CHRNA10: variants seen among roughly 807,000 people sequenced by gnomAD.
CHRNA10 encodes cholinergic receptor nicotinic alpha 10 subunit.
A neutral mutation model predicts 36.0 loss-of-function variants in CHRNA10; 31 were observed. The ratio of observed to expected loss-of-function variants is 0.86; its 90% CI spans 0.65 to 1.16. The LOEUF (loss-of-function observed/expected upper bound fraction) is 1.16. Among genes scored for constraint, CHRNA10 ranks in the 50% most tolerant of loss-of-function variants. The pLI, the probability that CHRNA10 is intolerant of heterozygous loss-of-function variation, is 0.00. For synonymous variants in CHRNA10, 302 were observed against 287.0 expected, an observed-to-expected ratio of 1.05 and a Z score of -0.53; for missense variants, 648 against 640.9, an observed-to-expected ratio of 1.01 and a Z score of -0.12.
chr11:3,669,220 C>T lies in CHRNA10; in HGVS notation c.338G>A (p.Arg113Gln), dbSNP rs754088774. Residue 113 changes from arginine to glutamine, a missense_variant, in exon 3 of 5, where the codon CGG becomes CAG. Arg to Gln is a conservative substitution (Grantham distance 43, BLOSUM62 1). Coordinates refer to ENST00000250699, the MANE Select transcript of CHRNA10 (RefSeq NM_020402.4). ...AIRIPSSLVW[R>Q]PDIVLYNKAD... Reference sequence around the variant, plus strand: ...CTTGTTATAGAGTACGATGTCTGGCCGCCACACAAGACTGCTGGGGATGCG... The same window carrying T: ...CTTGTTATAGAGTACGATGTCTGGCTGCCACACAAGACTGCTGGGGATGCG... The T allele has an allele frequency of 2.7e-5, 44 of 1,613,492 alleles. No homozygotes were observed. The highest frequency in any genetic ancestry group is 2.3e-4 in the African/African-American group (17 of 74,844).
At chr11:3,670,690 G>A (rs750391186) in intron 1 of CHRNA10, among the ~76,000 whole-genome samples, 20 of 152,196 alleles carry the variant, frequency 1.3e-4, no homozygotes, top group Non-Finnish European at 2.4e-4. Context: ...TTGGAAATCT[G>A]GGAATTATCC....
Position 3,665,848 on chromosome 11 carries a change from A to G in CHRNA10, c.*259T>C, listed in dbSNP as rs2133971128. ...CAGCACAAACAATTCTGTCCCTCCA[A>G]GACTGTACTCTGTGATCTTGGCCTT... On this transcript the variant is annotated 3_prime_UTR_variant, in exon 5 of 5. Transcript: ENST00000250699. 2 of 425,552 alleles carry G rather than the reference A, an allele frequency of 4.7e-6. No individual in the cohort carries two copies. Among genetic ancestry groups the G allele is most frequent in the East Asian group, 7.3e-5 (2 of 27,348 alleles). 26.4% of individuals were successfully genotyped at this position (425,552 alleles called of 1,614,324 possible).
In CHRNA10 at chr11:3,667,327, T is replaced by A. The variant is rs1229657524; in HGVS notation, c.800A>T (p.Lys267Met). The change falls in exon 4 of 5, where the codon AAG (lysine) becomes ATG (methionine). Residue 267 changes from lysine (K) to methionine (M), a missense_variant. Transcript: ENST00000250699. ...CAGCACGGTGACGCCCAGCGACACC[T>A]TCTCGCCTGAGTCGGCAGGCAGGTG... Reference protein sequence around the residue: ...AFHLPADSGEKVSLGVTVLLA... With the variant: ...AFHLPADSGEMVSLGVTVLLA... 6.3e-7 allele frequency: 1 copy of A among 1,599,902 alleles called. No individual in the cohort carries two copies. The highest frequency in any genetic ancestry group is 2.2e-5 in the East Asian group (1 of 44,782).
chr11:3,668,612 G>T (rs998439438), intron 3 of CHRNA10: 1 of 152,152 alleles, frequency 6.6e-6, no homozygotes. Context: ...AGAGAGACCC[G>T]CTGCCTTTCG....
At chr11:3,666,608 G>A in intron 4 of CHRNA10, 44 bp from the exon 5 acceptor site, 1 of 1,453,542 alleles carries the variant, frequency 6.9e-7, no homozygotes, top group Non-Finnish European at 9.3e-7. Context: ...ACAAAAGCCT[G>A]TGGTTCCTGA....
chr11:3,671,351 G>C lies in CHRNA10; in HGVS notation c.-39C>G. 6.2e-7 allele frequency: 1 copy of C among 1,609,228 alleles called. No individual in the cohort carries two copies. The highest frequency in any genetic ancestry group is 8.5e-7 in the Non-Finnish European group (1 of 1,175,932). Reference sequence around the variant, plus strand: ...CAAGAGCGGGGGCAGGTCTCTGGATGTGAGGCCTCCTGGCCAGACCTAGGG... The same window carrying C: ...CAAGAGCGGGGGCAGGTCTCTGGATCTGAGGCCTCCTGGCCAGACCTAGGG... On this transcript the variant is annotated 5_prime_UTR_variant, in exon 1 of 5. Coordinates refer to ENST00000250699, the MANE Select transcript of CHRNA10 (RefSeq NM_020402.4).
chr11:3,669,805 G>T lies in CHRNA10; in HGVS notation c.198C>A (p.Ile66=). 2.5e-6 allele frequency: 4 copies of T among 1,614,186 alleles called. No homozygotes were observed. Among genetic ancestry groups the T allele is most frequent in the Non-Finnish European group, 3.4e-6 (4 of 1,180,022 alleles). ...NVTLEVTLSQ[I]IDMDERNQVL... Reference sequence around the variant, plus strand: ...CACCACCACAACGCACCATGTCGATGATCTGGGACAGTGTCACCTCCAGGG... The same window carrying T: ...CACCACCACAACGCACCATGTCGATTATCTGGGACAGTGTCACCTCCAGGG... Residue 66 remains isoleucine, a synonymous_variant, in exon 2 of 5, where the codon ATC becomes ATA. Coordinates refer to ENST00000250699, the MANE Select transcript of CHRNA10 (RefSeq NM_020402.4).
At position 3,666,537 on chromosome 11, in the gene CHRNA10, A is replaced by G. The variant is rs1186272771; in HGVS notation, c.923T>C (p.Met308Thr). 5 of 1,561,500 alleles carry G rather than the reference A, an allele frequency of 3.2e-6. No homozygotes were observed. Among genetic ancestry groups the G allele is most frequent in the African/African-American group, 2.7e-5 (2 of 73,484 alleles). The change falls in exon 5 of 5, where the codon ATG (methionine) becomes ACG (threonine). Residue 308 changes from methionine to threonine, a missense_variant. Met to Thr is a moderately conservative substitution (Grantham distance 81). Coordinates refer to ENST00000250699, the MANE Select transcript of CHRNA10 (RefSeq NM_020402.4). ...GGTGAGTGCTGTTGAGAATGTGACC[A>G]TGGTCATAGTGGCCATGTAGTACTT... ...IGKYYMATMT[M>T]VTFSTALTIL...
chr11:3,669,055 C>T (rs2077693080), intron 3 of CHRNA10, 141 bp downstream of exon 3: 3 of 941,792 alleles, frequency 3.2e-6, no homozygotes, highest in East Asian at 5.2e-5. Context: ...TGCCTGGCAG[C>T]TTAGAAGGGT....
At chr11:3,666,651 A>G in intron 4 of CHRNA10, 87 bp from the exon 5 acceptor site, 1 of 1,057,092 alleles carries the variant, frequency 9.5e-7, no homozygotes. Context: ...AATGGAAATA[A>G]GCCCACCATG....
At chr11:3,670,404 G>T (rs1170725943) in intron 1 of CHRNA10, among the ~76,000 whole-genome samples, 1 of 152,094 alleles carries the variant, frequency 6.6e-6, no homozygotes, top group Non-Finnish European at 1.5e-5. Flanking sequence ...CACTTCCCCA[G>T]GCTTTACTGA....
rs756336483 is a variant in CHRNA10 at position 3,667,647 on chromosome 11, G to T, written c.480C>A (p.Ala160=). Residue 160 remains alanine (A), a synonymous_variant, in exon 4 of 5, where the codon GCC becomes GCA. Coordinates refer to ENST00000250699, the MANE Select transcript of CHRNA10 (RefSeq NM_020402.4). Reference sequence around the variant, plus strand: ...CGCAGTGCTGGGCGTCGAACGGGAAGGCTGCTACATCCACGCGGCACGAGC... The same window carrying T: ...CGCAGTGCTGGGCGTCGAACGGGAATGCTGCTACATCCACGCGGCACGAGC... ...TRSSCRVDVA[A]FPFDAQHCGL... 2 of 1,560,108 alleles carry T rather than the reference G, an allele frequency of 1.3e-6. No homozygotes were observed. Among genetic ancestry groups the T allele is most frequent in the Non-Finnish European group, 1.7e-6 (2 of 1,157,872 alleles).
rs979930461 is a variant in CHRNA10, at chr11:3,671,365, C to A, written c.-53G>T. On this transcript the variant is annotated 5_prime_UTR_variant, in exon 1 of 5. Transcript: ENST00000250699. ...GGTCTCTGGATGTGAGGCCTCCTGG[C>A]CAGACCTAGGGCAAAATTAGGCCCA... 1.3e-6 allele frequency: 2 copies of A among 1,595,706 alleles called. No homozygotes were observed. The highest frequency in any genetic ancestry group is 1.7e-6 in the Non-Finnish European group (2 of 1,164,822).
chr11:3,671,251 C>G lies in CHRNA10; in HGVS notation c.61+1G>C, dbSNP rs775545948. On this transcript the variant is annotated splice_donor_variant, in intron 1 of 4. Transcript: ENST00000250699. LOFTEE classifies it high-confidence loss of function. ...CAGGGCTGGTGTACTGAGCTTCATA[C>G]CTGCAGGGAGTAGAAACAGAAGCAG... 1.2e-6 allele frequency: 2 copies of G among 1,614,098 alleles called. No homozygotes were observed. Among genetic ancestry groups the G allele is most frequent in the Non-Finnish European group, 1.7e-6 (2 of 1,179,942 alleles).
At chr11:3,671,215 C>G in intron 1 of CHRNA10, 37 bp downstream of exon 1, 1 of 1,602,434 alleles carries the variant, frequency 6.2e-7, no homozygotes, top group Non-Finnish European at 8.6e-7. Context: ...AGTAGCACCA[C>G]CAGGAGAGGC....
chr11:3,669,898 A>T lies in CHRNA10; in HGVS notation c.105T>A (p.Arg35=), dbSNP rs752471726. The part of the protein sequence containing the change: ...AEGRLALKLF[R]DLFANYTSAL... ...CACTTGTGTAGTTGGCAAAGAGGTC[A>T]CGGAACAGCTTGAGAGCCAGCCGGC... The change falls in exon 2 of 5, where the codon CGT becomes CGA. Residue 35 remains arginine (R), a synonymous_variant. Transcript: ENST00000250699. 8 of 1,614,034 alleles carry T rather than the reference A, an allele frequency of 5.0e-6. No individual in the cohort carries two copies. The African/African-American group carries it at 1.1e-4, about 22-fold the overall frequency.
chr11:3,666,179 G>A lies in CHRNA10; in HGVS notation c.1281C>T (p.Asp427=), dbSNP rs762273013. 3 of 1,611,452 alleles carry A rather than the reference G, an allele frequency of 1.9e-6. No homozygotes were observed. Among genetic ancestry groups the A allele is most frequent in the African/African-American group, 2.7e-5 (2 of 74,864 alleles). ...EDWKRLARVM[D]RFFLAIFFSM... ...AGAAGAAGATGGCCAGGAAGAAGCG[G>A]TCCATCACACGGGCCAGGCGCTTCC... Residue 427 remains aspartate (D), a synonymous_variant, in exon 5 of 5, where the codon GAC becomes GAT. Transcript: ENST00000250699.
intron 1 of CHRNA10, 132 bp from the exon 2 acceptor site, chr11:3,670,073 C>G: frequency 9.9e-7 from 1 of 1,005,682 alleles, no homozygotes; most frequent in Non-Finnish European, 1.5e-6. Context: ...CTTGCTCTAG[C>G]TGTGGCTCTA....
Position 3,666,469 on chromosome 11 carries a change from G to A in CHRNA10, c.991C>T (p.Pro331Ser). The A allele has an allele frequency of 1.9e-6, 3 of 1,613,090 alleles. No individual in the cohort carries two copies. Among genetic ancestry groups the A allele is most frequent in the Non-Finnish European group, 2.5e-6 (3 of 1,179,484 alleles). ...AGGGCCCTAGCCCAGGCTGGCACTG[G>A]GCGGACACTGGGACCACAGTAATGC... ...NLHYCGPSVR[P>S]VPAWARALLL... Residue 331 changes from proline (P) to serine (S), a missense_variant, in exon 5 of 5, where the codon CCA (proline) becomes TCA (serine). Physicochemically the swap from Pro to Ser is moderately conservative, Grantham distance 74. Coordinates refer to ENST00000250699, the MANE Select transcript of CHRNA10 (RefSeq NM_020402.4).
Sources: gnomAD v4.1 joint callset for allele counts (sites outside exome capture counted in the v4.1 genomes callset) on GRCh38, gnomAD v4.1.1 for gene constraint, MANE v1.5 for transcripts, NCBI Gene and HGNC (gene_info 2026-07-23, HGNC 2026-07-21) for gene names.